UNC13C: variants seen among roughly 807,000 people sequenced by gnomAD.
UNC13C encodes protein unc-13 homolog C.
In UNC13C, 174 loss-of-function variants were observed where a neutral mutation model predicts 245.4. The ratio of observed to expected loss-of-function variants is 0.71; its 90% confidence interval spans 0.63 to 0.80. The LOEUF is 0.80. Ranked by LOEUF, UNC13C falls within the 30% of genes least tolerant of loss-of-function variation. The pLI is 0.00. For synonymous variants in UNC13C, 992 were observed against 895.1 expected, an observed-to-expected ratio of 1.11 and a Z score of -1.93; for missense variants, 2,829 against 2,602.9, an observed-to-expected ratio of 1.09 and a Z score of -1.89.
At chr15:53,844,686 A>C in the UNC13C span, among the ~76,000 whole-genome samples, 1 of 152,072 alleles carries the variant, frequency 6.6e-6, no homozygotes, top group Non-Finnish European at 1.5e-5. Flanking sequence ...TTACAATTGC[A>C]AGTTTTCTCA....
At chr15:54,439,759 A>G (rs1189073989) in intron 19 of UNC13C, among the ~76,000 whole-genome samples, 1 of 151,960 alleles carries the variant, frequency 6.6e-6, no homozygotes. Context: ...ATCACCTCAA[A>G]TATTTATCAT....
At chr15:54,378,241 A>T (rs1322832848) in intron 17 of UNC13C, among the ~76,000 whole-genome samples, 1 of 152,158 alleles carries the variant, frequency 6.6e-6, no homozygotes, top group Non-Finnish European at 1.5e-5. Context: ...ACAACCCATC[A>T]TGTATTTGAA....
chr15:54,204,443 A>T (rs917253335), intron 4 of UNC13C, among the ~76,000 whole-genome samples: 2 of 151,892 alleles, frequency 1.3e-5, no homozygotes, highest in African/African-American at 4.8e-5. Context: ...ATTGTGGTTG[A>T]TATTTATGCC....
At chr15:54,620,785 C>CA (rs34567553) in intron 30 of UNC13C, among the ~76,000 whole-genome samples, 10,536 of 134,808 alleles carry the variant, frequency 0.078, 598 homozygotes, top group African/African-American at 0.14. Flanking sequence ...GACCCTGTCT[C>CA]AAAAAAAAAA....
At chr15:54,528,469 A>G (rs1327970820) in intron 25 of UNC13C, among the ~76,000 whole-genome samples, 1 of 151,834 alleles carries the variant, frequency 6.6e-6, no homozygotes, top group Non-Finnish European at 1.5e-5. Context: ...ATTTACTGGC[A>G]CTACTTTTAT....
intron 28 of UNC13C, among the ~76,000 whole-genome samples, chr15:54,551,768 T>C (rs988436937): frequency 1.3e-5 from 2 of 152,042 alleles, no homozygotes; most frequent in Non-Finnish European, 2.9e-5. Flanking sequence ...TTTGAGTTTT[T>C]TATTTTTAAA....
chr15:54,221,012 T>C (rs1182772645), intron 4 of UNC13C, among the ~76,000 whole-genome samples: 1 of 152,022 alleles, frequency 6.6e-6, no homozygotes, highest in Admixed American at 6.6e-5. Context: ...GTCCCACACG[T>C]TGACAATTCT....
intron 4 of UNC13C, among the ~76,000 whole-genome samples, chr15:54,189,615 A>T (rs1390126765): frequency 6.6e-6 from 1 of 152,200 alleles, no homozygotes; most frequent in Non-Finnish European, 1.5e-5. Context: ...GATAATTAAG[A>T]TAATTTGATT....
intron 2 of UNC13C, among the ~76,000 whole-genome samples, chr15:54,071,193 TA>T (rs966739355): frequency 6.6e-6 from 1 of 152,022 alleles, no homozygotes; most frequent in African/African-American, 2.4e-5. Context: ...TTCCTTTTTT[TA>T]AAAAAAATTT....
the UNC13C span, among the ~76,000 whole-genome samples, chr15:53,952,657 A>G: frequency 2.6e-5 from 4 of 152,144 alleles, no homozygotes; most frequent in African/African-American, 9.7e-5. Flanking sequence ...TTTAATAAAA[A>G]CTCGCCAGAT....
At position 54,569,594 on chromosome 15, in the gene UNC13C, TTGTGTG is replaced by T. The variant is rs562796527; in HGVS notation, c.6106+1661_6106+1666del. Reference sequence around the variant, plus strand: ...TGTGCATACATCTATGTATGTTTGTTTGTGTGTGTGTGTGTGTGTATAATCAACTAT... The same window carrying T: ...TGTGCATACATCTATGTATGTTTGTTTGTGTGTGTGTGTATAATCAACTAT... On this transcript the variant is annotated intron_variant, in intron 30 of 32. Transcript: ENST00000260323. Among the ~76,000 whole-genome samples, 492 of 149,846 alleles carry T rather than the reference TTGTGTG, an allele frequency of 3.3e-3. 6 individuals are homozygous for T. The highest frequency in any genetic ancestry group is 0.011 in the African/African-American group (456 of 40,908).
Position 54,118,025 on chromosome 15 carries a change from T to C in UNC13C, c.2984-24993T>C, listed in dbSNP as rs139381589. ...GTCTGTGTGTCTGTTTTTATGCCAA[T>C]ACCATGCTGATTTGGTTACTATAGT... On this transcript the variant is annotated intron_variant, in intron 2 of 32. Transcript: ENST00000260323. Among the ~76,000 whole-genome samples the C allele has an allele frequency of 2.9e-3, 446 of 152,280 alleles. 4 individuals carry two copies. The highest frequency in any genetic ancestry group is 0.01 in the African/African-American group (428 of 41,558).
intron 17 of UNC13C, among the ~76,000 whole-genome samples, chr15:54,384,698 A>G (rs2039799323): frequency 1.3e-5 from 2 of 152,156 alleles, no homozygotes; most frequent in Admixed American, 6.5e-5. Flanking sequence ...TGCACAACAG[A>G]GAAACACTCA....
intron 30 of UNC13C, among the ~76,000 whole-genome samples, chr15:54,577,944 C>A (rs1293422293): frequency 6.6e-6 from 1 of 152,122 alleles, no homozygotes; most frequent in African/African-American, 2.4e-5. Flanking sequence ...CAGAATAATC[C>A]TCTTTGGAGT....
At chr15:53,843,418 T>TGC in the UNC13C span, among the ~76,000 whole-genome samples, 1 of 152,294 alleles carries the variant, frequency 6.6e-6, no homozygotes, top group South Asian at 2.1e-4. Context: ...GCTGTGAGCG[T>TGC]GCCACTGCAC....
chr15:54,229,573 T>C (rs1303910443), intron 4 of UNC13C, among the ~76,000 whole-genome samples: 1 of 152,240 alleles, frequency 6.6e-6, no homozygotes, highest in African/African-American at 2.4e-5. Context: ...CATTGTGAAA[T>C]GGCAAAATCT....
chr15:53,901,537 A>G, the UNC13C span, among the ~76,000 whole-genome samples: 12 of 152,076 alleles, frequency 7.9e-5, no homozygotes, highest in Middle Eastern at 3.4e-3. Flanking sequence ...ATAGATCTCT[A>G]TTACTTGGAT....
At chr15:54,556,136 C>G (rs1973747) in intron 29 of UNC13C, among the ~76,000 whole-genome samples, 39 of 151,628 alleles carry the variant, frequency 2.6e-4, no homozygotes, top group African/African-American at 8.7e-4. Context: ...ATATTTATAT[C>G]CATATATATT....
At chr15:54,452,577 G>A (rs115154433) in intron 19 of UNC13C, among the ~76,000 whole-genome samples, 1 of 152,208 alleles carries the variant, frequency 6.6e-6, no homozygotes, top group African/African-American at 2.4e-5. Flanking sequence ...AGCATGCTCA[G>A]GTACTAGGGG....
Sources: allele counts gnomAD v4.1 joint callset (sites outside exome capture counted in the v4.1 genomes callset), GRCh38; gene constraint gnomAD v4.1.1; transcripts MANE v1.5; gene names NCBI Gene and HGNC (gene_info 2026-07-23, HGNC 2026-07-21).